The following CLASP2 variants were observed in gnomAD, a reference collection of about 807,000 sequenced individuals.
The protein encoded by CLASP2 is CLIP-associating protein 2.
In CLASP2, 47 loss-of-function variants were observed where a neutral mutation model predicts 194.4. The ratio of observed to expected loss-of-function variants is 0.24; its 90% CI spans 0.19 to 0.31. The LOEUF (loss-of-function observed/expected upper bound fraction) is 0.31. CLASP2 is among the 10% of genes least tolerant of loss of function. CLASP2 has a pLI of 1.00. For synonymous variants in CLASP2, 619 were observed against 633.5 expected (o/e 0.98, Z 0.34); for missense variants, 1,445 against 1,823.6 (o/e 0.79, Z 3.78).
At position 33,718,092 on chromosome 3, in the gene CLASP2, G is replaced by A. The variant is rs958498681; in HGVS notation, c.-90C>T. The A allele has an allele frequency of 7.4e-6, 10 of 1,347,110 alleles. No homozygotes were observed. The highest frequency in any genetic ancestry group is 9.6e-6 in the Non-Finnish European group (10 of 1,036,386). The allele number at this position is 1,347,110 out of a possible 1,614,324, so 83.4% of individuals were successfully genotyped here. ...CTCCAGTGCGGGTCCCCGCGGGAGC[G>A]GGCGGGACTCACTTAGCCCGCCAGG... On this transcript the variant is annotated 5_prime_UTR_variant, in exon 1 of 39. Coordinates refer to ENST00000682230, the MANE Select transcript of CLASP2 (RefSeq NM_001365631.1).
chr3:33,601,405 T>C (rs531149012), intron 18 of CLASP2, among the ~76,000 whole-genome samples: 149 of 152,346 alleles, frequency 9.8e-4, no homozygotes, highest in African/African-American at 3.6e-3. Context: ...TTTTGACATA[T>C]GCTTTTCTTG....
At chr3:33,658,572 G>C (rs1172881375) in intron 7 of CLASP2, among the ~76,000 whole-genome samples, 1 of 152,100 alleles carries the variant, frequency 6.6e-6, no homozygotes, top group Non-Finnish European at 1.5e-5. Context: ...AATTCTACTT[G>C]TGTCAAATAC....
At chr3:33,690,418 T>C (rs1181469784) in intron 2 of CLASP2, among the ~76,000 whole-genome samples, 1 of 152,102 alleles carries the variant, frequency 6.6e-6, no homozygotes, top group African/African-American at 2.4e-5. Context: ...CAGAGGATTA[T>C]TGAAAATTAA....
rs752302792 is a variant in CLASP2 at position 33,707,686 on chromosome 3, CAA to C, written c.195+10120_195+10121del. ...TAAATAGTCTTGCCTCCCTGCCCCA[CAA>C]AAAAGGACTCAATTTAAGTTTTAGA... On this transcript the variant is annotated intron_variant, in intron 1 of 38. Transcript: ENST00000682230. 3.3e-5 allele frequency among the ~76,000 whole-genome samples: 5 copies of C among 151,950 alleles called. No individual in the cohort carries two copies. The East Asian group carries it at 7.7e-4, about 23-fold the overall frequency.
At chr3:33,527,779 T>C (rs1484985331) in intron 34 of CLASP2, among the ~76,000 whole-genome samples, 2 of 151,900 alleles carry the variant, frequency 1.3e-5, no homozygotes, top group African/African-American at 4.8e-5. Flanking sequence ...CTGGCCAACA[T>C]AGTTAAAACC....
At chr3:33,627,192 G>T in intron 9 of CLASP2, 112 bp from the exon 10 acceptor site, 1 of 699,406 alleles carries the variant, frequency 1.4e-6, no homozygotes, top group Non-Finnish European at 2.6e-6. Context: ...TCCCATTCTA[G>T]CACCATTTCT....
At chr3:33,627,247 C>T (rs775469216) in intron 9 of CLASP2, 167 bp from the exon 10 acceptor site, 8 of 620,728 alleles carry the variant, frequency 1.3e-5, no homozygotes, top group South Asian at 1.9e-5. Context: ...ACACAAAATG[C>T]TTTATTTTTC....
intron 11 of CLASP2, 28 bp from the exon 12 acceptor site, chr3:33,619,766 T>A: frequency 6.5e-7 from 1 of 1,534,232 alleles, no homozygotes; most frequent in Non-Finnish European, 8.8e-7. Context: ...AAGTATTTTT[T>A]AATAGTTTAA....
chr3:33,593,299 A>C (rs1217468333), intron 20 of CLASP2, among the ~76,000 whole-genome samples: 3 of 152,184 alleles, frequency 2.0e-5, no homozygotes, highest in Non-Finnish European at 4.4e-5. Flanking sequence ...ATTGGTGGGT[A>C]CTTTGGTGTT....
chr3:33,498,395 C>A lies in CLASP2; in HGVS notation c.*236G>T, dbSNP rs1205334883. ...AATTAAATTAAAAATTACTTTGTGT[C>A]GATCAATTGATGTTAATACTGCTTC... On this transcript the variant is annotated 3_prime_UTR_variant, in exon 39 of 39. Transcript: ENST00000682230. 5.3e-6 allele frequency: 2 copies of A among 375,996 alleles called. No homozygotes were observed. Among genetic ancestry groups the A allele is most frequent in the East Asian group, 4.0e-5 (1 of 24,756 alleles). 23.3% of individuals were successfully genotyped at this position (375,996 alleles called of 1,614,324 possible). A position where few individuals can be genotyped will look rare whatever the true frequency, so the allele number is the denominator to read the frequency against.
chr3:33,570,914 G>A lies in CLASP2; in HGVS notation c.2700-124C>T, dbSNP rs543907353. The A allele has an allele frequency of 2.5e-4, 203 of 826,490 alleles. 6 individuals are homozygous for A. The South Asian group carries it at 4.0e-3, about 16-fold the overall frequency. 51.2% of individuals were successfully genotyped at this position (826,490 alleles called of 1,614,324 possible). On this transcript the variant is annotated intron_variant, in intron 25 of 38. Transcript: ENST00000682230. ...GGTTAGGTTGGGCATGGTGGCTCAC[G>A]CCTATAATCCTAGCATTTTGGGAGG...
At chr3:33,696,317 T>C (rs530570671) in intron 2 of CLASP2, among the ~76,000 whole-genome samples, 18 of 147,462 alleles carry the variant, frequency 1.2e-4, no homozygotes, top group African/African-American at 4.5e-4. Flanking sequence ...TTTCACAAAA[T>C]AGTAAAAGAT....
chr3:33,605,744 A>T, intron 16 of CLASP2, among the ~76,000 whole-genome samples: 1 of 152,090 alleles, frequency 6.6e-6, no homozygotes, highest in Non-Finnish European at 1.5e-5. Context: ...TCAGCCTCCC[A>T]AGTAGCTGGG....
chr3:33,564,273 C>A lies in CLASP2; in HGVS notation c.2766+2459G>T, dbSNP rs143681448. Among the ~76,000 whole-genome samples, 65 of 152,258 alleles carry A rather than the reference C, an allele frequency of 4.3e-4. 3 individuals are homozygous for A. The East Asian group carries it at 0.013, about 29-fold the overall frequency. On this transcript the variant is annotated intron_variant, in intron 27 of 38. Coordinates refer to ENST00000682230, the MANE Select transcript of CLASP2 (RefSeq NM_001365631.1). ...ATTTACCCTCTAATTGGTAGCCAAC[C>A]CTTTTTCTTCAATGCAAGGGAAGAC...
chr3:33,512,117 T>C (rs2049995375), intron 36 of CLASP2, among the ~76,000 whole-genome samples: 1 of 3,840 alleles, frequency 2.6e-4, no homozygotes, highest in East Asian at 3.6e-3. Flanking sequence ...CGTATGTTTA[T>C]TGCGGCACTA....
intron 37 of CLASP2, chr3:33,504,229 A>T (rs1166194217): frequency 6.6e-6 from 1 of 152,246 alleles, no homozygotes; most frequent in Non-Finnish European, 1.5e-5. Context: ...TTTAGGTGTC[A>T]TATCTAATAA....
Position 33,602,976 on chromosome 3 carries a change from T to A in CLASP2, c.1900A>T (p.Asn634Tyr). The A allele has an allele frequency of 1.2e-6, 2 of 1,610,838 alleles. No homozygotes were observed. Among genetic ancestry groups the A allele is most frequent in the South Asian group, 1.1e-5 (1 of 90,182 alleles). The stretch of plus-strand genomic sequence containing the variant: ...CCTAGTGACGCATAGGAACCTGCAT[T>A]CAGGGCACCTGCACCTAAGCGCCCG... ...RSGRLGAGAL[N>Y]AGSYASLEDT... The change falls in exon 18 of 39, where the codon AAT becomes TAT. Residue 634 changes from asparagine to tyrosine, a missense_variant. This residue lies in a region of CLASP2 where 174 missense variants were observed against 179.0 expected (regional missense o/e 0.97). Coordinates refer to ENST00000682230, the MANE Select transcript of CLASP2 (RefSeq NM_001365631.1).
intron 29 of CLASP2, among the ~76,000 whole-genome samples, chr3:33,551,956 T>C (rs76539977): frequency 1.3e-5 from 2 of 151,342 alleles, no homozygotes; most frequent in South Asian, 4.2e-4. Context: ...TTTTTTTTTT[T>C]GGTAAAACAC....
intron 33 of CLASP2, among the ~76,000 whole-genome samples, chr3:33,536,413 T>C (rs2057350743): frequency 6.6e-6 from 1 of 152,078 alleles, no homozygotes; most frequent in African/African-American, 2.4e-5. Flanking sequence ...AGTAAGGGAA[T>C]CAGCCAAGGG....
Sources: gnomAD v4.1 joint callset for allele counts (sites outside exome capture counted in the v4.1 genomes callset) on GRCh38, gnomAD v4.1.1 for gene constraint, gnomAD v4.1.1 regional missense constraint, MANE v1.5 for transcripts, NCBI Gene and HGNC (gene_info 2026-07-23, HGNC 2026-07-21) for gene names.